GSDMD: variants seen among roughly 807,000 people sequenced by gnomAD.
GSDMD encodes the protein gasdermin-D.
Under a neutral mutation model 46.7 loss-of-function variants are expected in GSDMD, and 46 were observed. That is an observed-to-expected ratio of 0.99 (90% CI 0.78 to 1.26). The LOEUF is 1.26. Among genes scored for constraint, GSDMD ranks in the 50% most tolerant of loss-of-function variants. The pLI, the probability that GSDMD is intolerant of heterozygous loss-of-function variation, is 0.00. For missense variants in GSDMD, 649 were observed against 638.8 expected (o/e 1.02, Z -0.17); for synonymous variants, 307 against 283.1 (o/e 1.08, Z -0.85).
At chr8:143,555,057 A>G (rs542422254), upstream of GSDMD, 4 of 152,406 alleles carry the variant, frequency 2.6e-5, no homozygotes, top group South Asian at 8.3e-4. Context: ...CTGAATTTCC[A>G]GTTATTTGTG....
upstream of GSDMD, among the ~76,000 whole-genome samples, chr8:143,557,250 T>C (rs1335968269): frequency 6.6e-6 from 1 of 152,260 alleles, no homozygotes; most frequent in Non-Finnish European, 1.5e-5. Context: ...GTTTAGTCTA[T>C]GCACGCCTCA....
chr8:143,561,396 C>G lies in GSDMD; in HGVS notation c.709C>G (p.Gln237Glu), dbSNP rs1314358608. Residue 237 changes from glutamine to glutamate, a missense_variant, in exon 6 of 11, where the codon CAG becomes GAG. Transcript: ENST00000262580. Reference protein sequence around the residue: ...LDVLLFPDKKQRTFQPPATGH... With the variant: ...LDVLLFPDKKERTFQPPATGH... ...CGTCCTTCTCTTCCCGGATAAGAAG[C>G]AGAGGACCTTCCAGCCACCCGCGAC... The G allele has an allele frequency of 1.9e-6, 3 of 1,611,350 alleles. No homozygotes were observed. The South Asian group carries it at 3.3e-5, about 18-fold the overall frequency.
chr8:143,559,961 C>G lies in GSDMD; in HGVS notation c.402C>G (p.Leu134=), dbSNP rs115488407. The G allele has an allele frequency of 1.0e-3, 1,660 of 1,610,582 alleles. 20 individuals carry two copies. In the African/African-American group the frequency reaches 0.02, roughly 19 times the overall value. Residue 134 remains leucine (L), a synonymous_variant, in exon 3 of 11, where the codon CTC becomes CTG. Transcript: ENST00000262580. Reference sequence around the variant, plus strand: ...ACCCTAACACCTGGCAGACTCTGCTCCATGAGAGGTGGGCCCGAAGAGGGC... The same window carrying G: ...ACCCTAACACCTGGCAGACTCTGCTGCATGAGAGGTGGGCCCGAAGAGGGC... ...SVDPNTWQTL[L]HERHLRQPEH...
At chr8:143,558,263 G>T, upstream of GSDMD, 4 of 1,440,942 alleles carry the variant, frequency 2.8e-6, no homozygotes, top group Non-Finnish European at 3.6e-6. Flanking sequence ...CGGGCTGGCG[G>T]GAAGAGGGGG....
At chr8:143,560,228 G>T (rs1333910854) in intron 3 of GSDMD, 4 of 690,646 alleles carry the variant, frequency 5.8e-6, no homozygotes, top group Non-Finnish European at 1.1e-5. Flanking sequence ...AGTCCCAGAG[G>T]CAAAAGAGCG....
At chr8:143,559,278 A>G in intron 1 of GSDMD, 54 bp from the exon 2 acceptor site, 2 of 541,338 alleles carry the variant, frequency 3.7e-6, no homozygotes, top group Admixed American at 2.6e-5. Flanking sequence ...CCCTTCTCCC[A>G]CTCCCTCCCG....
intron 1 of GSDMD, 146 bp from the exon 2 acceptor site, chr8:143,559,186 A>G: frequency 1.6e-6 from 1 of 615,210 alleles, no homozygotes; most frequent in Non-Finnish European, 2.9e-6. Context: ...GCTTTCTGCT[A>G]GTGGGAGCAT....
intron 2 of GSDMD, 31 bp from the exon 3 acceptor site, chr8:143,559,746 G>A: frequency 6.4e-7 from 1 of 1,560,226 alleles, no homozygotes; most frequent in South Asian, 1.2e-5. Flanking sequence ...GCGGGGCGCT[G>A]GGCACAGCCT....
chr8:143,557,699 C>A (rs1823341694), upstream of GSDMD, among the ~76,000 whole-genome samples: 1 of 152,200 alleles, frequency 6.6e-6, no homozygotes, highest in African/African-American at 2.4e-5. Context: ...ACTCCACGTG[C>A]CCCCCGCGCT....
chr8:143,555,648 C>T (rs1823286281), upstream of GSDMD, among the ~76,000 whole-genome samples: 1 of 152,210 alleles, frequency 6.6e-6, no homozygotes, highest in African/African-American at 2.4e-5. Context: ...GACGGGCTGC[C>T]ACACCCCAGG....
chr8:143,558,917 G>T (rs1823378879), intron 1 of GSDMD: 1 of 417,708 alleles, frequency 2.4e-6, no homozygotes, highest in South Asian at 1.8e-5. Flanking sequence ...CAGCTGGGGT[G>T]GGGCGACACT....
At position 143,559,789 on chromosome 8, in the gene GSDMD, G is replaced by C; in HGVS notation, c.230G>C (p.Gly77Ala). Residue 77 changes from glycine to alanine, a missense_variant, in exon 3 of 11, where the codon GGC becomes GCC. Coordinates refer to ENST00000262580, the MANE Select transcript of GSDMD (RefSeq NM_024736.7). ...GGCCTTGCTTTAGACGTGCAGCGTGGCAGGAGCTTCCACTTCTACGATGCC... is the reference window on the plus strand; with the variant it reads ...GGCCTTGCTTTAGACGTGCAGCGTGCCAGGAGCTTCCACTTCTACGATGCC... ...PDAAEPDVQRGRSFHFYDAMD... is the reference protein window; with the variant it reads ...PDAAEPDVQRARSFHFYDAMD... 1 of 1,600,710 alleles carries C rather than the reference G, an allele frequency of 6.2e-7. No homozygotes were observed.
At chr8:143,558,992 C>CTCTGGCTGGGTTTTG in intron 1 of GSDMD, 2 of 394,220 alleles carry the variant, frequency 5.1e-6, no homozygotes, top group Non-Finnish European at 4.7e-6. Flanking sequence ...GGTCCCTGCA[C>CTCTGGCTGGGTTTTG]CACGCTCAGG....
At chr8:143,558,853 G>C (rs557906110) in intron 1 of GSDMD, 2 of 536,218 alleles carry the variant, frequency 3.7e-6, no homozygotes, top group Admixed American at 4.5e-5. Context: ...CAAAGCCTCA[G>C]CCTTGGACAG....
Position 143,562,015 on chromosome 8 carries a change from G to C in GSDMD, c.880G>C (p.Val294Leu), listed in dbSNP as rs766368883. The change falls in exon 8 of 11, where the codon GTG becomes CTG. Residue 294 changes from valine (V) to leucine (L), a missense_variant. Transcript: ENST00000262580. ...TEDFQGLRAE[V>L]ETISKELELL... ...AGACTTCCAGGGCCTACGGGCAGAG[G>C]TGGAGACCATCTCCAAGGAACTGGA... 4 of 1,604,540 alleles carry C rather than the reference G, an allele frequency of 2.5e-6. No homozygotes were observed. Among genetic ancestry groups the C allele is most frequent in the African/African-American group, 2.7e-5 (2 of 74,996 alleles).
In GSDMD at chr8:143,561,757, C is replaced by T. The variant is rs770711824; in HGVS notation, c.752C>T (p.Thr251Met). 29 of 1,608,330 alleles carry T rather than the reference C, an allele frequency of 1.8e-5. No individual in the cohort carries two copies. Among genetic ancestry groups the T allele is most frequent in the Middle Eastern group, 1.7e-4 (1 of 5,966 alleles). Residue 251 changes from threonine to methionine, a missense_variant, in exon 7 of 11, where the codon ACG (threonine) becomes ATG (methionine). Transcript: ENST00000262580. ...QPPATGHKRS[T>M]SEGAWPQLPS... ...CCCTGCCCAGGCCACAAGCGTTCCA[C>T]GAGCGAAGGCGCCTGGCCACAGCTG...
At position 143,560,769 on chromosome 8, in the gene GSDMD, C is replaced by G. The variant is rs1823437385; in HGVS notation, c.577C>G (p.Gln193Glu). Residue 193 changes from glutamine (Q) to glutamate (E), a missense_variant and splice_region_variant, in exon 4 of 11, where the codon CAG becomes GAG. Transcript: ENST00000262580. ...TTCCCTGCCCGGAGCCACGTGCTTG[C>G]AGGTGTGTAGCCAGCCCCGGGCCAC... ...RFSLPGATCL[Q>E]GEGQGHLSQK... is the part of the protein sequence containing the mutation. 1 of 1,541,644 alleles carries G rather than the reference C, an allele frequency of 6.5e-7. No homozygotes were observed. Among genetic ancestry groups the G allele is most frequent in the African/African-American group, 1.4e-5 (1 of 73,116 alleles).
rs1345977611 is a variant in GSDMD, at chr8:143,558,389, C to A, written c.-67C>A. 3 of 1,518,444 alleles carry A rather than the reference C, an allele frequency of 2.0e-6. No individual in the cohort carries two copies. Among genetic ancestry groups the A allele is most frequent in the East Asian group, 2.6e-5 (1 of 38,104 alleles). 94.1% of individuals were successfully genotyped at this position (1,518,444 alleles called of 1,614,324 possible). On this transcript the variant is annotated 5_prime_UTR_variant, in exon 1 of 11. Coordinates refer to ENST00000262580, the MANE Select transcript of GSDMD (RefSeq NM_024736.7). ...CTGGGCACCTCCAGCTCCTGCTCGC[C>A]GGACGGCTCCCAGGGAGAGCAGACG...
chr8:143,556,780 G>A (rs929996080), upstream of GSDMD, among the ~76,000 whole-genome samples: 2 of 152,224 alleles, frequency 1.3e-5, no homozygotes, highest in African/African-American at 4.8e-5. Flanking sequence ...GGGCACTGAG[G>A]GAGCCTGTGC....
Sources: gnomAD v4.1 joint callset for allele counts (sites outside exome capture counted in the v4.1 genomes callset) on GRCh38, gnomAD v4.1.1 for gene constraint, MANE v1.5 for transcripts, NCBI Gene and HGNC (gene_info 2026-07-23, HGNC 2026-07-21) for gene names.